NCR3LG1: variants seen among roughly 807,000 people sequenced by gnomAD.
NCR3LG1 encodes natural killer cell cytotoxicity receptor 3 ligand 1.
Under a neutral mutation model 34.8 loss-of-function variants are expected in NCR3LG1, and 35 were observed. The ratio of observed to expected loss-of-function variants is 1.01; its 90% CI spans 0.77 to 1.33. The LOEUF (loss-of-function observed/expected upper bound fraction) is 1.33, where lower values mean the gene tolerates loss of function less well. Ranked by LOEUF, NCR3LG1 falls within the 40% of genes most tolerant of loss-of-function variation. The pLI is 0.00. For synonymous variants in NCR3LG1, 173 were observed against 163.6 expected (o/e 1.06, Z -0.44); for missense variants, 452 against 423.3 (o/e 1.07, Z -0.60).
rs1953481802 is a variant in NCR3LG1, at chr11:17,376,835, T to G, written c.*4323T>G. ...CACCATACTTGTAATTGCTGAAAGCTCGGAAGTTTGGAGAAAAAGACATAA... is the reference window on the plus strand; with the variant it reads ...CACCATACTTGTAATTGCTGAAAGCGCGGAAGTTTGGAGAAAAAGACATAA... On this transcript the variant is annotated 3_prime_UTR_variant, in exon 5 of 5. Transcript: ENST00000338965. The G allele has an allele frequency of 6.6e-6, 1 of 152,094 alleles. No homozygotes were observed. The highest frequency in any genetic ancestry group is 1.5e-5 in the Non-Finnish European group (1 of 68,038). The allele number at this position is 152,094 out of a possible 1,614,324, so 9.4% of individuals were successfully genotyped here.
intron 3 of NCR3LG1, among the ~76,000 whole-genome samples, chr11:17,367,972 C>A (rs1286002029): frequency 6.6e-6 from 1 of 152,134 alleles, no homozygotes; most frequent in Non-Finnish European, 1.5e-5. Context: ...GCATGCACCA[C>A]CACGCACGGC....
downstream of NCR3LG1, among the ~76,000 whole-genome samples, chr11:17,379,887 TGAGACCCC>T (rs1953504802): frequency 6.6e-6 from 1 of 152,218 alleles, no homozygotes; most frequent in Non-Finnish European, 1.5e-5. Flanking sequence ...GAGATGTGTC[TGAGACCCC>T]CTTCGAGAGA....
rs985230304 is a variant in NCR3LG1 at position 17,375,579 on chromosome 11, C to A, written c.*3067C>A. ...TAGTTCTCCTTGCCCATGCTGCCAT[C>A]TGAAAGGAAAGGCACTTCCTCACCG... On this transcript the variant is annotated 3_prime_UTR_variant, in exon 5 of 5. Transcript: ENST00000338965. 1 of 152,246 alleles carries A rather than the reference C, an allele frequency of 6.6e-6. No individual in the cohort carries two copies. The highest frequency in any genetic ancestry group is 6.5e-5 in the Admixed American group (1 of 15,284). The allele number at this position is 152,246 out of a possible 1,614,324, so 9.4% of individuals were successfully genotyped here.
chr11:17,378,049 G>C (rs116593432), downstream of NCR3LG1, among the ~76,000 whole-genome samples: 1,121 of 152,214 alleles, frequency 7.4e-3, 7 homozygotes, highest in South Asian at 0.013. Flanking sequence ...TCCTCTCCTT[G>C]AAAAATCAGT....
chr11:17,357,701 A>G (rs917421245), intron 2 of NCR3LG1, among the ~76,000 whole-genome samples: 40 of 151,820 alleles, frequency 2.6e-4, no homozygotes, highest in African/African-American at 8.0e-4. Flanking sequence ...TAGGCTTTAT[A>G]TATCTATATA....
intron 2 of NCR3LG1, among the ~76,000 whole-genome samples, chr11:17,365,825 G>C (rs1319311164): frequency 6.6e-6 from 1 of 152,168 alleles, no homozygotes; most frequent in African/African-American, 2.4e-5. Flanking sequence ...TTATTCTCAA[G>C]CTAGTCCACA....
chr11:17,365,495 TTC>T (rs1357035102), intron 2 of NCR3LG1, among the ~76,000 whole-genome samples: 3 of 152,232 alleles, frequency 2.0e-5, no homozygotes, highest in African/African-American at 7.2e-5. Context: ...TCTTAGCCTT[TTC>T]TCTTTCTCTC....
intron 1 of NCR3LG1, among the ~76,000 whole-genome samples, chr11:17,353,403 C>A (rs1953162417): frequency 1.3e-5 from 2 of 152,274 alleles, no homozygotes; most frequent in Admixed American, 1.3e-4. Flanking sequence ...GCGCTGCGGA[C>A]TTGAAACGCC....
intron 2 of NCR3LG1, among the ~76,000 whole-genome samples, chr11:17,364,974 A>G (rs951674094): frequency 6.6e-6 from 1 of 152,014 alleles, no homozygotes; most frequent in South Asian, 2.1e-4. Flanking sequence ...TATATTATCC[A>G]TCTGTTTGTG....
chr11:17,360,469 A>G (rs528820017), intron 2 of NCR3LG1, among the ~76,000 whole-genome samples: 32 of 152,282 alleles, frequency 2.1e-4, no homozygotes, highest in Non-Finnish European at 3.7e-4. Flanking sequence ...CACCAAACCC[A>G]AGGCTACCTA....
At chr11:17,352,167 A>G (rs1225604129) in intron 1 of NCR3LG1, 128 bp downstream of exon 1, 3 of 380,506 alleles carry the variant, frequency 7.9e-6, no homozygotes, top group South Asian at 5.4e-5. Context: ...TTTCTTTTCT[A>G]TTTCTTCTCC....
At chr11:17,364,504 A>G (rs1953322586) in intron 2 of NCR3LG1, among the ~76,000 whole-genome samples, 1 of 149,446 alleles carries the variant, frequency 6.7e-6, no homozygotes, top group Non-Finnish European at 1.5e-5. Context: ...CAGTTTGGGA[A>G]GTTTCTATTA....
At chr11:17,361,723 T>C (rs1953272084) in intron 2 of NCR3LG1, among the ~76,000 whole-genome samples, 1 of 152,184 alleles carries the variant, frequency 6.6e-6, no homozygotes, top group African/African-American at 2.4e-5. Flanking sequence ...TTTGTTTTTG[T>C]TTTTGTTTTT....
Position 17,360,731 on chromosome 11 carries a change from C to A in NCR3LG1, c.421+3730C>A, listed in dbSNP as rs140369668. Among the ~76,000 whole-genome samples, 530 of 151,650 alleles carry A rather than the reference C, an allele frequency of 3.5e-3. 6 individuals carry two copies. Among genetic ancestry groups the A allele is most frequent in the African/African-American group, 0.012 (507 of 41,338 alleles). ...TGAATATATTTGTGTGGGTCCATTT[C>A]TGGGCTTTCTATTCAGTTTCTTTTC... is the stretch of plus-strand genomic sequence containing the variant. On this transcript the variant is annotated intron_variant, in intron 2 of 4. Coordinates refer to ENST00000338965, the MANE Select transcript of NCR3LG1 (RefSeq NM_001202439.3).
At position 17,351,962 on chromosome 11, in the gene NCR3LG1, C is replaced by G. The variant is rs1300242344; in HGVS notation, c.-8C>G. 6.5e-7 allele frequency: 1 copy of G among 1,529,808 alleles called. No individual in the cohort carries two copies. Among genetic ancestry groups the G allele is most frequent in the Non-Finnish European group, 8.7e-7 (1 of 1,143,612 alleles). 94.8% of individuals were successfully genotyped at this position (1,529,808 alleles called of 1,614,324 possible). ...GGCGAAAAAAATTACACAACAGCAG[C>G]CGCGGCGATGACGTGGAGGGCTGCC... On this transcript the variant is annotated 5_prime_UTR_variant, in exon 1 of 5. Transcript: ENST00000338965.
downstream of NCR3LG1, among the ~76,000 whole-genome samples, chr11:17,377,966 A>G (rs1019598438): frequency 6.6e-6 from 1 of 152,218 alleles, no homozygotes; most frequent in African/African-American, 2.4e-5. Flanking sequence ...GGACCTGCAC[A>G]TGACAATCCT....
chr11:17,355,551 A>T (rs917989369), intron 1 of NCR3LG1, among the ~76,000 whole-genome samples: 1 of 152,230 alleles, frequency 6.6e-6, no homozygotes, highest in Non-Finnish European at 1.5e-5. Context: ...TTTAAAATCT[A>T]AATAAATGAA....
chr11:17,358,269 A>G (rs1451950689), intron 2 of NCR3LG1, among the ~76,000 whole-genome samples: 1 of 152,170 alleles, frequency 6.6e-6, no homozygotes, highest in African/African-American at 2.4e-5. Flanking sequence ...CCGTCAGAAT[A>G]CCACATTGCA....
intron 2 of NCR3LG1, among the ~76,000 whole-genome samples, chr11:17,360,199 G>C (rs1195496725): frequency 6.6e-6 from 1 of 152,166 alleles, no homozygotes; most frequent in Non-Finnish European, 1.5e-5. Context: ...TCTTTGATGA[G>C]ATGTTTGTTC....
Sources: allele counts gnomAD v4.1 joint callset (sites outside exome capture counted in the v4.1 genomes callset), GRCh38; gene constraint gnomAD v4.1.1; transcripts MANE v1.5; gene names NCBI Gene and HGNC (gene_info 2026-07-23, HGNC 2026-07-21).